Variants in SMPD3 observed in about 807,000 individuals in gnomAD.
The protein encoded by SMPD3 is sphingomyelin phosphodiesterase 3.
Under a neutral mutation model 55.7 loss-of-function variants are expected in SMPD3, and 21 were observed. The ratio of observed to expected loss-of-function variants is 0.38; its 90% CI spans 0.27 to 0.54. The LOEUF (loss-of-function observed/expected upper bound fraction) is 0.54, where lower values mean the gene tolerates loss of function less well. SMPD3 is among the 20% of genes least tolerant of loss of function. SMPD3 has a pLI of 0.80. For missense variants in SMPD3, 842 were observed against 899.6 expected (o/e 0.94, Z 0.82); for synonymous variants, 457 against 404.3 (o/e 1.13, Z -1.56).
chr16:68,436,338 G>C (rs918844377), intron 1 of SMPD3, among the ~76,000 whole-genome samples: 2 of 152,154 alleles, frequency 1.3e-5, no homozygotes, highest in African/African-American at 4.8e-5. Context: ...CAACACACAA[G>C]AGCGTGCATG....
chr16:68,419,537 T>G (rs1010696953), intron 1 of SMPD3, among the ~76,000 whole-genome samples: 23 of 152,250 alleles, frequency 1.5e-4, no homozygotes, highest in Non-Finnish European at 2.9e-4. Flanking sequence ...ATCCAACATC[T>G]GTTGACTGTC....
chr16:68,421,244 T>C (rs1361847138), intron 1 of SMPD3, among the ~76,000 whole-genome samples: 1 of 152,194 alleles, frequency 6.6e-6, no homozygotes. Context: ...TCCTCCCTCA[T>C]CTGCTTCACC....
At position 68,421,402 on chromosome 16, in the gene SMPD3, C is replaced by T. The variant is rs534325299; in HGVS notation, c.-269+26951G>A. On this transcript the variant is annotated intron_variant, in intron 1 of 8. Coordinates refer to ENST00000219334, the MANE Select transcript of SMPD3 (RefSeq NM_018667.4). The stretch of plus-strand genomic sequence containing the variant: ...GAGGGGGAGCCACAAAAGGGAGAGA[C>T]GTGGTTATATGTGTGCTTTGGAATG... 1.7e-4 allele frequency among the ~76,000 whole-genome samples: 26 copies of T among 152,184 alleles called. No individual in the cohort carries two copies. In the South Asian group the frequency reaches 2.5e-3, roughly 15 times the overall value.
intron 1 of SMPD3, among the ~76,000 whole-genome samples, chr16:68,415,698 G>T (rs980761359): frequency 1.3e-5 from 2 of 151,790 alleles, no homozygotes; most frequent in African/African-American, 4.8e-5. Context: ...TTAACATGAG[G>T]TTCTATTTTA....
chr16:68,400,333 C>A (rs2090195207), intron 1 of SMPD3, among the ~76,000 whole-genome samples: 1 of 152,176 alleles, frequency 6.6e-6, no homozygotes, highest in African/African-American at 2.4e-5. Context: ...GCCAGCATGA[C>A]CCATTTGGGC....
At position 68,390,664 on chromosome 16, in the gene SMPD3, TAAAC is replaced by T. The variant is rs1433074603; in HGVS notation, c.-268-4009_-268-4006del. ...TGACAAAGTGAGACCTGTCTCAAAA[TAAAC>T]AAACAAAGAATAAGAATTCCTAACC... On this transcript the variant is annotated intron_variant, in intron 1 of 8. Transcript: ENST00000219334. 1.1e-4 allele frequency among the ~76,000 whole-genome samples: 16 copies of T among 152,164 alleles called. No individual in the cohort carries two copies. The East Asian group carries it at 1.5e-3, about 15-fold the overall frequency.
rs1156244940 is a variant in SMPD3 at position 68,404,341 on chromosome 16, C to G, written c.-268-17682G>C. On this transcript the variant is annotated intron_variant, in intron 1 of 8. Coordinates refer to ENST00000219334, the MANE Select transcript of SMPD3 (RefSeq NM_018667.4). The surrounding 1 kb of genome is among the most constrained non-coding windows in gnomAD (Gnocchi z 4.0). ...TCTCGAACTCCCGACCTCAGGTGAT[C>G]TGCCCGCCTCAGCCTCCCAAATTGC... 6.6e-6 allele frequency among the ~76,000 whole-genome samples: 1 copy of G among 152,084 alleles called. No homozygotes were observed. The highest frequency in any genetic ancestry group is 1.5e-5 in the Non-Finnish European group (1 of 68,014).
Position 68,365,086 on chromosome 16 carries a change from C to T in SMPD3, c.1330G>A (p.Val444Met), listed in dbSNP as rs2089436738. The change falls in exon 4 of 9, where the codon GTG (valine) becomes ATG (methionine). Residue 444 changes from valine to methionine, a missense_variant. By Grantham distance (21) the Val-to-Met change is conservative. This residue lies in a region of SMPD3 where 649 missense variants were observed against 643.6 expected (regional missense o/e 1.01). Coordinates refer to ENST00000219334, the MANE Select transcript of SMPD3 (RefSeq NM_018667.4). ...SKGALFLKVQ[V>M]GSTPQDQRIV... The stretch of plus-strand genomic sequence containing the variant: ...CTTTGGTCCTGAGGTGTGCTTCCCA[C>T]CTGCACCTGGGGGAGGAGGGGGTCA... The T allele has an allele frequency of 1.2e-6, 2 of 1,614,016 alleles. No individual in the cohort carries two copies. Among genetic ancestry groups the T allele is most frequent in the Non-Finnish European group, 1.7e-6 (2 of 1,179,988 alleles).
intron 1 of SMPD3, among the ~76,000 whole-genome samples, chr16:68,416,044 G>A (rs1597656855): frequency 6.6e-6 from 1 of 152,070 alleles, no homozygotes; most frequent in African/African-American, 2.4e-5. Context: ...CAACATCTGC[G>A]CTGCAAGGGC....
intron 1 of SMPD3, among the ~76,000 whole-genome samples, chr16:68,419,432 C>T (rs1206759941): frequency 3.3e-5 from 5 of 152,188 alleles, no homozygotes; most frequent in Non-Finnish European, 7.3e-5. Context: ...AATCTACTGC[C>T]CTATCACCCA....
chr16:68,375,657 T>C (rs1246820048), intron 2 of SMPD3, among the ~76,000 whole-genome samples: 1 of 152,186 alleles, frequency 6.6e-6, no homozygotes, highest in East Asian at 1.9e-4. Context: ...TGGGCCCCCC[T>C]TTCTCCTGCT....
At chr16:68,426,942 G>T (rs2090440357) in intron 1 of SMPD3, among the ~76,000 whole-genome samples, 1 of 151,406 alleles carries the variant, frequency 6.6e-6, no homozygotes, top group African/African-American at 2.4e-5. Flanking sequence ...AGGCTTCCTA[G>T]GTCCACTCAG....
At chr16:68,416,298 T>G (rs1000103101) in intron 1 of SMPD3, among the ~76,000 whole-genome samples, 7 of 152,292 alleles carry the variant, frequency 4.6e-5, no homozygotes, top group African/African-American at 1.4e-4. Flanking sequence ...GGCCTCGCCC[T>G]CTTCCCTGGT....
At chr16:68,374,765 G>A (rs1231780654) in intron 2 of SMPD3, among the ~76,000 whole-genome samples, 6 of 152,262 alleles carry the variant, frequency 3.9e-5, no homozygotes, top group Non-Finnish European at 7.4e-5. Context: ...GTGTGGAGCC[G>A]GCTGTCTTCA....
rs147611484 is a variant in SMPD3, at chr16:68,372,110, G to A, written c.72C>T (p.Ile24=). The A allele has an allele frequency of 1.2e-6, 2 of 1,612,860 alleles. No homozygotes were observed. Among genetic ancestry groups the A allele is most frequent in the East Asian group, 4.5e-5 (2 of 44,828 alleles). Residue 24 remains isoleucine, a synonymous_variant, in exon 3 of 9, where the codon ATC becomes ATT. Coordinates refer to ENST00000219334, the MANE Select transcript of SMPD3 (RefSeq NM_018667.4). Reference sequence around the variant, plus strand: ...GGTCCACCAGCCAGTAGCATGGAAAGATAAGGGCCCAGGACACACAGTGCA... The same window carrying A: ...GGTCCACCAGCCAGTAGCATGGAAAAATAAGGGCCCAGGACACACAGTGCA... ...SALHCVSWAL[I]FPCYWLVDRL...
chr16:68,393,745 GC>G (rs1303533521), intron 1 of SMPD3, among the ~76,000 whole-genome samples: 3 of 152,126 alleles, frequency 2.0e-5, no homozygotes, highest in Non-Finnish European at 4.4e-5. Context: ...ATATAAGATA[GC>G]TTTTGTCTTT....
At chr16:68,445,710 G>T (rs1017887134) in intron 1 of SMPD3, among the ~76,000 whole-genome samples, 9 of 152,244 alleles carry the variant, frequency 5.9e-5, no homozygotes, top group Admixed American at 5.9e-4. Flanking sequence ...GGGCTAGATA[G>T]ATGGTGGCTA....
intron 1 of SMPD3, among the ~76,000 whole-genome samples, chr16:68,432,800 GT>G (rs369055335): frequency 1.3e-5 from 2 of 152,088 alleles, no homozygotes; most frequent in African/African-American, 4.8e-5. Flanking sequence ...ATTTGACTTT[GT>G]TTTTCTTTTC....
At chr16:68,430,646 A>G (rs971641613) in intron 1 of SMPD3, among the ~76,000 whole-genome samples, 1 of 152,118 alleles carries the variant, frequency 6.6e-6, no homozygotes, top group African/African-American at 2.4e-5. Flanking sequence ...CCCCTGCCCC[A>G]TCACCCCACT....
Sources: gnomAD v4.1 joint callset for allele counts (sites outside exome capture counted in the v4.1 genomes callset) on GRCh38, gnomAD v4.1.1 for gene constraint, gnomAD v4.1.1 regional missense constraint, Gnocchi (gnomAD v3.1) non-coding constraint, MANE v1.5 for transcripts, NCBI Gene and HGNC (gene_info 2026-07-23, HGNC 2026-07-21) for gene names.